VAMP7: variants seen among roughly 807,000 people sequenced by gnomAD.
VAMP7 encodes the protein vesicle associated membrane protein 7.
A neutral mutation model predicts 29.6 loss-of-function variants in VAMP7; 14 were observed. The ratio of observed to expected loss-of-function variants is 0.47; its 90% CI spans 0.31 to 0.74. The LOEUF is 0.74. Among genes scored for constraint, VAMP7 ranks in the 30% least tolerant of loss-of-function variants. The pLI, the probability that VAMP7 is intolerant of heterozygous loss-of-function variation, is 0.05. For synonymous variants in VAMP7, 95 were observed against 88.1 expected, an observed-to-expected ratio of 1.08 and a Z score of -0.44; for missense variants, 223 against 262.4, an observed-to-expected ratio of 0.85 and a Z score of 1.04.
chrX:155,888,171 G>A (rs1298095226), intron 1 of VAMP7, among the ~76,000 whole-genome samples: 1 of 152,128 alleles, frequency 6.6e-6, no homozygotes, highest in Non-Finnish European at 1.5e-5. Context: ...AGAGACAGAT[G>A]AGCACCTTCT....
chrX:155,916,291 G>A (rs1279720545), intron 5 of VAMP7, among the ~76,000 whole-genome samples: 1 of 151,922 alleles, frequency 6.6e-6, no homozygotes, highest in Admixed American at 6.6e-5. Context: ...CACATGGGTG[G>A]GTCTTGATTC....
At chrX:155,915,535 C>T (rs1220599686) in intron 5 of VAMP7, among the ~76,000 whole-genome samples, 2 of 152,068 alleles carry the variant, frequency 1.3e-5, no homozygotes, top group East Asian at 1.9e-4. Flanking sequence ...ACTGCTTTAG[C>T]TGTGTCCCAG....
At chrX:155,885,329 TAGAG>T (rs1345574206) in intron 1 of VAMP7, among the ~76,000 whole-genome samples, 1 of 152,148 alleles carries the variant, frequency 6.6e-6, no homozygotes, top group African/African-American at 2.4e-5. Context: ...ACAGAGGTTT[TAGAG>T]AGGGAGGCAA....
chrX:155,919,078 G>A (rs2066357027), intron 5 of VAMP7, among the ~76,000 whole-genome samples: 1 of 152,170 alleles, frequency 6.6e-6, no homozygotes, highest in South Asian at 2.1e-4. Context: ...TTGGTATCAG[G>A]GTAATGCTGG....
intron 6 of VAMP7, among the ~76,000 whole-genome samples, chrX:155,936,012 G>A (rs1369191146): frequency 6.6e-6 from 1 of 152,160 alleles, no homozygotes; most frequent in Non-Finnish European, 1.5e-5. Context: ...CTGCAGAACA[G>A]TGAATATTGC....
intron 6 of VAMP7, among the ~76,000 whole-genome samples, chrX:155,929,774 A>G (rs1241223464): frequency 1.3e-5 from 2 of 152,130 alleles, no homozygotes; most frequent in Non-Finnish European, 2.9e-5. Flanking sequence ...GAGCAGAGCA[A>G]CAGGATCTCA....
At chrX:155,913,551 A>G (rs771465142) in intron 5 of VAMP7, among the ~76,000 whole-genome samples, 63 of 152,304 alleles carry the variant, frequency 4.1e-4, no homozygotes, top group Non-Finnish European at 8.8e-4. Context: ...ATTTTTGTAT[A>G]AGGTGTAAGG....
intron 1 of VAMP7, among the ~76,000 whole-genome samples, chrX:155,884,350 C>T (rs1452152253): frequency 6.6e-6 from 1 of 152,090 alleles, no homozygotes; most frequent in East Asian, 1.9e-4. Context: ...TGGTCTCGAA[C>T]TCCTGACCTT....
chrX:155,932,027 G>T (rs2066566231), intron 6 of VAMP7, among the ~76,000 whole-genome samples: 1 of 152,038 alleles, frequency 6.6e-6, no homozygotes, highest in Admixed American at 6.6e-5. Context: ...TAGATGTGTG[G>T]TATTACTTCT....
chrX:155,941,924 T>C lies in VAMP7; in HGVS notation c.636T>C (p.Phe212=). The C allele has an allele frequency of 6.2e-7, 1 of 1,613,852 alleles. No individual in the cohort carries two copies. Among genetic ancestry groups the C allele is most frequent in the Non-Finnish European group, 8.5e-7 (1 of 1,179,810 alleles). ...TTGTTTCACCTCTCTGTGGTGGATT[T>C]ACATGGCCAAGCTGTGTGAAGAAAT... The part of the protein sequence containing the change: ...YIIVSPLCGG[F]TWPSCVKK Residue 212 remains phenylalanine (F), a synonymous_variant, in exon 8 of 8, where the codon TTT becomes TTC. Transcript: ENST00000286448.
intron 5 of VAMP7, among the ~76,000 whole-genome samples, chrX:155,912,733 GC>G (rs2066255846): frequency 6.6e-6 from 1 of 152,094 alleles, no homozygotes; most frequent in Admixed American, 6.6e-5. Flanking sequence ...GTGTATATGT[GC>G]CACATTTTCT....
intron 6 of VAMP7, among the ~76,000 whole-genome samples, chrX:155,923,646 A>G (rs1277483657): frequency 6.6e-6 from 1 of 151,720 alleles, no homozygotes; most frequent in Non-Finnish European, 1.5e-5. Context: ...TGATTATAAT[A>G]TATATGCCTT....
chrX:155,882,925 A>G (rs2065820779), intron 1 of VAMP7, among the ~76,000 whole-genome samples: 1 of 152,234 alleles, frequency 6.6e-6, no homozygotes, highest in African/African-American at 2.4e-5. Context: ...TTTCTAAGGC[A>G]TAGGCTGACA....
At chrX:155,941,140 A>T (rs1178658356) in intron 7 of VAMP7, among the ~76,000 whole-genome samples, 1 of 151,972 alleles carries the variant, frequency 6.6e-6, no homozygotes, top group Admixed American at 6.5e-5. Flanking sequence ...GTGACACCCT[A>T]TCTCTACAAA....
chrX:155,922,036 A>G (rs775727712), intron 6 of VAMP7, among the ~76,000 whole-genome samples: 1 of 152,070 alleles, frequency 6.6e-6, no homozygotes, highest in South Asian at 2.1e-4. Flanking sequence ...TATTTGTTAA[A>G]TTTACCCTTG....
At position 155,939,972 on chromosome X, in the gene VAMP7, C is replaced by T. The variant is rs758245546; in HGVS notation, c.594+179C>T. On this transcript the variant is annotated intron_variant, in intron 7 of 7. Coordinates refer to ENST00000286448, the MANE Select transcript of VAMP7 (RefSeq NM_005638.6). The stretch of plus-strand genomic sequence containing the variant: ...CACTATGAAATATCTCTACTTAAAC[C>T]CCTCCTTCCTATTGAGAATTATTAT... Among the ~76,000 whole-genome samples the T allele has an allele frequency of 2.0e-5, 3 of 151,878 alleles. No homozygotes were observed. The East Asian group carries it at 5.8e-4, about 29-fold the overall frequency.
intron 5 of VAMP7, among the ~76,000 whole-genome samples, chrX:155,909,094 T>A (rs2066195429): frequency 6.6e-6 from 1 of 152,212 alleles, no homozygotes; most frequent in Non-Finnish European, 1.5e-5. Context: ...ACCAAAGTGC[T>A]AGGATTACAG....
At position 155,941,921 on chromosome X, in the gene VAMP7, A is replaced by C; in HGVS notation, c.633A>C (p.Gly211=). ...IYIIVSPLCG[G]FTWPSCVKK ...TCATTGTTTCACCTCTCTGTGGTGG[A>C]TTTACATGGCCAAGCTGTGTGAAGA... The change falls in exon 8 of 8, where the codon GGA becomes GGC. Residue 211 remains glycine, a synonymous_variant. Coordinates refer to ENST00000286448, the MANE Select transcript of VAMP7 (RefSeq NM_005638.6). 1 of 1,613,672 alleles carries C rather than the reference A, an allele frequency of 6.2e-7. No homozygotes were observed. The highest frequency in any genetic ancestry group is 8.5e-7 in the Non-Finnish European group (1 of 1,179,770).
In VAMP7 at chrX:155,939,598, G is replaced by A. The variant is rs1280020023; in HGVS notation, c.502-103G>A. 4.7e-6 allele frequency: 4 copies of A among 853,062 alleles called. No homozygotes were observed. The African/African-American group carries it at 5.0e-5, about 11-fold the overall frequency. 52.8% of individuals were successfully genotyped at this position (853,062 alleles called of 1,614,324 possible). ...TCTCTACTTGTAAAGAGAGGTCATT[G>A]GACTTAAATGGAATTAATGGAAGTA... On this transcript the variant is annotated intron_variant, in intron 6 of 7. Coordinates refer to ENST00000286448, the MANE Select transcript of VAMP7 (RefSeq NM_005638.6).
Sources: gnomAD v4.1 joint callset for allele counts (sites outside exome capture counted in the v4.1 genomes callset) on GRCh38, gnomAD v4.1.1 for gene constraint, MANE v1.5 for transcripts, NCBI Gene and HGNC (gene_info 2026-07-23, HGNC 2026-07-21) for gene names.